Variants in NRG3 observed in about 807,000 individuals in gnomAD.
The protein encoded by NRG3 is pro-neuregulin-3, membrane-bound isoform.
A neutral mutation model predicts 66.9 loss-of-function variants in NRG3; 31 were observed. The ratio of observed to expected loss-of-function variants is 0.46; its 90% CI spans 0.35 to 0.63. The LOEUF is 0.63. Ranked by LOEUF, NRG3 falls within the 20% of genes least tolerant of loss-of-function variation. The pLI, the probability that NRG3 is intolerant of heterozygous loss-of-function variation, is 0.00. For synonymous variants in NRG3, 393 were observed against 359.4 expected, an observed-to-expected ratio of 1.09 and a Z score of -1.06; for missense variants, 910 against 878.9, an observed-to-expected ratio of 1.04 and a Z score of -0.45.
intron 3 of NRG3, among the ~76,000 whole-genome samples, chr10:82,770,321 A>G (rs1040116706): frequency 6.6e-5 from 10 of 152,124 alleles, no homozygotes. Context: ...TGGGTATATC[A>G]AGAATCTTAG....
chr10:82,631,187 C>T (rs1434658195), intron 2 of NRG3, among the ~76,000 whole-genome samples: 1 of 152,164 alleles, frequency 6.6e-6, no homozygotes, highest in East Asian at 1.9e-4. Flanking sequence ...CCTTCCAACT[C>T]TCTAGTGTGG....
At chr10:82,722,811 C>T (rs2057386395) in intron 2 of NRG3, among the ~76,000 whole-genome samples, 1 of 152,164 alleles carries the variant, frequency 6.6e-6, no homozygotes, top group Non-Finnish European at 1.5e-5. Context: ...TCCTCCCTGA[C>T]TTTATCATTA....
chr10:82,127,763 A>G lies in NRG3; in HGVS notation c.824-230976A>G, dbSNP rs74857488. ...ACTCCTTAGCCCACACTCTCAGCAC[A>G]GCCACTGATCTTGACAATGCAAAAT... is the stretch of plus-strand genomic sequence containing the variant. On this transcript the variant is annotated intron_variant, in intron 1 of 8. Coordinates refer to ENST00000372141, the MANE Select transcript of NRG3 (RefSeq NM_001010848.4). Among the ~76,000 whole-genome samples the G allele has an allele frequency of 3.2e-3, 481 of 152,062 alleles. 4 individuals are homozygous for G. The highest frequency in any genetic ancestry group is 0.011 in the African/African-American group (453 of 41,536).
chr10:82,275,412 T>C (rs1172616008), intron 1 of NRG3, among the ~76,000 whole-genome samples: 5 of 152,016 alleles, frequency 3.3e-5, no homozygotes, highest in Non-Finnish European at 5.9e-5. Context: ...TATTGGAATA[T>C]GAATTTTCTA....
chr10:82,560,512 TAA>T (rs1326507211), intron 2 of NRG3, among the ~76,000 whole-genome samples: 1 of 151,110 alleles, frequency 6.6e-6, no homozygotes, highest in East Asian at 2.0e-4. Context: ...CCAACTACCT[TAA>T]GTGTTCCTTT....
intron 4 of NRG3, among the ~76,000 whole-genome samples, chr10:82,950,056 T>A (rs989897115): frequency 6.6e-6 from 1 of 152,108 alleles, no homozygotes; most frequent in Non-Finnish European, 1.5e-5. Flanking sequence ...ACCTGGGAAC[T>A]TTTTAAAAAT....
chr10:82,513,781 A>C (rs1306695979), intron 2 of NRG3, among the ~76,000 whole-genome samples: 1 of 152,210 alleles, frequency 6.6e-6, no homozygotes, highest in Non-Finnish European at 1.5e-5. Context: ...CTCTGTCTCA[A>C]AACAAAAAAG....
chr10:82,080,859 A>C (rs2065353981), intron 1 of NRG3, among the ~76,000 whole-genome samples: 1 of 152,142 alleles, frequency 6.6e-6, no homozygotes, highest in African/African-American at 2.4e-5. Context: ...TTTCATCATC[A>C]ACAAAATCTC....
chr10:82,018,998 A>G (rs11192186), intron 1 of NRG3, among the ~76,000 whole-genome samples: 12,431 of 152,198 alleles, frequency 0.082, 1,681 homozygotes, highest in African/African-American at 0.28. Flanking sequence ...GAGAGAAGGC[A>G]TCCCTGTCTT....
In NRG3 at chr10:82,892,845, G is replaced by A. The variant is rs186433688; in HGVS notation, c.1054+27408G>A. ...ATTAAGGAAAGTTTATTAGAAATAA[G>A]TTTCTCTCTAGTTAATAAAATGTTT... On this transcript the variant is annotated intron_variant, in intron 4 of 8. Coordinates refer to ENST00000372141, the MANE Select transcript of NRG3 (RefSeq NM_001010848.4). Among the ~76,000 whole-genome samples, 203 of 151,886 alleles carry A rather than the reference G, an allele frequency of 1.3e-3. 3 individuals carry two copies. In the South Asian group the frequency reaches 0.013, roughly 10 times the overall value.
chr10:82,605,150 CATT>C (rs1333519552), intron 2 of NRG3, among the ~76,000 whole-genome samples: 1 of 151,984 alleles, frequency 6.6e-6, no homozygotes, highest in Non-Finnish European at 1.5e-5. Flanking sequence ...AATTTCTCAT[CATT>C]AAGTATGTTG....
At chr10:82,493,377 G>A (rs1350032436) in intron 2 of NRG3, among the ~76,000 whole-genome samples, 4 of 152,072 alleles carry the variant, frequency 2.6e-5, no homozygotes, top group Non-Finnish European at 4.4e-5. Flanking sequence ...GAGGACATGC[G>A]ATGTTTGGTT....
intron 1 of NRG3, among the ~76,000 whole-genome samples, chr10:82,329,961 C>T (rs2082062030): frequency 6.6e-6 from 1 of 152,132 alleles, no homozygotes; most frequent in South Asian, 2.1e-4. Context: ...CTAGCCTCTG[C>T]GGTCTGCCTG....
intron 4 of NRG3, among the ~76,000 whole-genome samples, chr10:82,880,775 T>A (rs1842234434): frequency 1.3e-5 from 2 of 152,228 alleles, no homozygotes; most frequent in African/African-American, 4.8e-5. Flanking sequence ...AATACTTTTT[T>A]AGGCTAGATA....
At chr10:82,347,168 ATTTTGGATC>A (rs1412335320) in intron 1 of NRG3, among the ~76,000 whole-genome samples, 1 of 146,902 alleles carries the variant, frequency 6.8e-6, no homozygotes, top group Admixed American at 6.8e-5. Flanking sequence ...TAGGGTGTCA[ATTTTGGATC>A]TTTCCTGCTT....
At chr10:82,927,700 T>C (rs781157908) in intron 4 of NRG3, among the ~76,000 whole-genome samples, 6 of 152,226 alleles carry the variant, frequency 3.9e-5, no homozygotes, top group Non-Finnish European at 5.9e-5. Context: ...TGCATAGTAT[T>C]CCACAGTGTA....
At chr10:82,894,036 T>C (rs1843420017) in intron 4 of NRG3, among the ~76,000 whole-genome samples, 1 of 152,206 alleles carries the variant, frequency 6.6e-6, no homozygotes, top group Admixed American at 6.5e-5. Flanking sequence ...CTATAAAACG[T>C]ACCAGCAACA....
Position 82,729,788 on chromosome 10 carries a change from C to T in NRG3, c.954-8789C>T, listed in dbSNP as rs377173785. Among the ~76,000 whole-genome samples, 108 of 152,258 alleles carry T rather than the reference C, an allele frequency of 7.1e-4. 1 individual carries two copies. In the South Asian group the frequency reaches 0.017, roughly 23 times the overall value. On this transcript the variant is annotated intron_variant, in intron 2 of 8. Coordinates refer to ENST00000372141, the MANE Select transcript of NRG3 (RefSeq NM_001010848.4). The stretch of plus-strand genomic sequence containing the variant: ...TACTAAAAGTGACCAATGAAGTGTA[C>T]GGCTAGCTGCTGGACACAAGTCCCT...
intron 2 of NRG3, among the ~76,000 whole-genome samples, chr10:82,494,599 A>C (rs899652230): frequency 1.3e-5 from 2 of 152,186 alleles, no homozygotes; most frequent in Admixed American, 6.6e-5. Context: ...TCTAATATGC[A>C]AAGATGTATT....
Sources: allele counts gnomAD v4.1 joint callset (sites outside exome capture counted in the v4.1 genomes callset), GRCh38; gene constraint gnomAD v4.1.1; transcripts MANE v1.5; gene names NCBI Gene and HGNC (gene_info 2026-07-23, HGNC 2026-07-21).